The following NOVA1 variants were observed in gnomAD, a reference collection of about 807,000 sequenced individuals.
NOVA1 encodes NOVA alternative splicing regulator 1.
In NOVA1, 7 loss-of-function variants were observed where a neutral mutation model predicts 38.0. The ratio of observed to expected loss-of-function variants is 0.18; its 90% confidence interval spans 0.10 to 0.35. NOVA1 has a LOEUF of 0.35. Ranked by LOEUF, NOVA1 falls within the 10% of genes least tolerant of loss-of-function variation. The probability of loss-of-function intolerance (pLI) is 1.00; values close to 1 mark genes in which losing one functional copy is unlikely to be tolerated. For synonymous variants in NOVA1, 270 were observed against 232.5 expected, an observed-to-expected ratio of 1.16 and a Z score of -1.47; for missense variants, 460 against 616.0, an observed-to-expected ratio of 0.75 and a Z score of 2.68.
At chr14:26,488,061 A>G (rs1011390631) in intron 2 of NOVA1, among the ~76,000 whole-genome samples, 2 of 152,194 alleles carry the variant, frequency 1.3e-5, no homozygotes, top group Admixed American at 1.3e-4. Flanking sequence ...CTTTTAAAAA[A>G]AGAAATCATA....
At chr14:26,572,299 G>C (rs1892529840) in intron 2 of NOVA1, among the ~76,000 whole-genome samples, 1 of 152,066 alleles carries the variant, frequency 6.6e-6, no homozygotes, top group Non-Finnish European at 1.5e-5. Flanking sequence ...ATAGAAAAGG[G>C]AACAAGATCA....
intron 2 of NOVA1, among the ~76,000 whole-genome samples, chr14:26,495,181 A>C (rs544875153): frequency 6.6e-6 from 1 of 152,048 alleles, no homozygotes; most frequent in African/African-American, 2.4e-5. Context: ...CTTTCTCATC[A>C]TAAAAGACTT....
intron 2 of NOVA1, among the ~76,000 whole-genome samples, chr14:26,589,419 T>C (rs1308558093): frequency 6.6e-6 from 1 of 151,798 alleles, no homozygotes; most frequent in Non-Finnish European, 1.5e-5. Flanking sequence ...GACTAAATTT[T>C]AATTTACTTG....
chr14:26,491,059 C>T (rs1032652963), intron 2 of NOVA1, among the ~76,000 whole-genome samples: 6 of 151,964 alleles, frequency 3.9e-5, no homozygotes, highest in African/African-American at 1.5e-4. Context: ...ACCGTGTTAG[C>T]CAGGATGGCC....
intron 4 of NOVA1, 127 bp from the exon 5 acceptor site, chr14:26,449,090 C>G (rs924751203): frequency 3.3e-6 from 3 of 897,566 alleles, no homozygotes; most frequent in Non-Finnish European, 4.8e-6. Flanking sequence ...ACAGAAATAT[C>G]ACAACTTTAA....
chr14:26,461,213 A>G (rs1405077661), intron 4 of NOVA1, among the ~76,000 whole-genome samples: 1 of 151,950 alleles, frequency 6.6e-6, no homozygotes, highest in Admixed American at 6.6e-5. Flanking sequence ...TATGGGATGT[A>G]AAAAAAGGAA....
chr14:26,538,475 C>T (rs866862636), intron 2 of NOVA1, among the ~76,000 whole-genome samples: 21 of 152,112 alleles, frequency 1.4e-4, no homozygotes, highest in African/African-American at 4.8e-4. Context: ...AAGTTTATGT[C>T]GATTAAATTG....
At chr14:26,574,247 A>C (rs1463821198) in intron 2 of NOVA1, among the ~76,000 whole-genome samples, 1 of 129,996 alleles carries the variant, frequency 7.7e-6, no homozygotes, top group Non-Finnish European at 1.6e-5. Flanking sequence ...GCTGGTCTTG[A>C]ACTCCTGACC....
chr14:26,516,969 G>A (rs575766249), intron 2 of NOVA1, among the ~76,000 whole-genome samples: 6 of 145,124 alleles, frequency 4.1e-5, no homozygotes, highest in African/African-American at 1.0e-4. Flanking sequence ...GCAGTGGCAC[G>A]ATCTTGGCTC....
chr14:26,597,265 G>T (rs1213336332), intron 1 of NOVA1, 36 bp downstream of exon 1: 2 of 1,229,956 alleles, frequency 1.6e-6, no homozygotes, highest in Non-Finnish European at 2.0e-6. Context: ...GGGCGGCGGG[G>T]GATGGGGCCA....
intron 2 of NOVA1, among the ~76,000 whole-genome samples, chr14:26,573,622 T>C (rs1422321133): frequency 6.6e-6 from 1 of 151,998 alleles, no homozygotes; most frequent in Non-Finnish European, 1.5e-5. Flanking sequence ...TAGACAAGGA[T>C]TAAAGGTGAA....
intron 2 of NOVA1, among the ~76,000 whole-genome samples, chr14:26,548,540 C>T (rs894925162): frequency 6.6e-6 from 1 of 152,022 alleles, no homozygotes; most frequent in South Asian, 2.1e-4. Context: ...AAATGTCATA[C>T]TATTGACTAA....
intron 2 of NOVA1, among the ~76,000 whole-genome samples, chr14:26,519,920 C>T (rs1455677639): frequency 6.6e-6 from 1 of 151,494 alleles, no homozygotes; most frequent in Non-Finnish European, 1.5e-5. Flanking sequence ...GAATGGGGTA[C>T]ATTTTCTGTT....
At chr14:26,560,993 G>T (rs141358307) in intron 2 of NOVA1, among the ~76,000 whole-genome samples, 1 of 152,136 alleles carries the variant, frequency 6.6e-6, no homozygotes, top group East Asian at 1.9e-4. Flanking sequence ...AGGGTGGGGG[G>T]ATGGTTTTGG....
intron 2 of NOVA1, among the ~76,000 whole-genome samples, chr14:26,546,018 AT>A (rs1312515240): frequency 2.0e-4 from 30 of 152,236 alleles, no homozygotes; most frequent in African/African-American, 6.5e-4. Flanking sequence ...TAACTGCAAA[AT>A]TTATAAAAAT....
intron 2 of NOVA1, among the ~76,000 whole-genome samples, chr14:26,554,731 C>T (rs61986531): frequency 9.7e-4 from 148 of 152,242 alleles, no homozygotes; most frequent in Non-Finnish European, 1.6e-3. Context: ...ATGGTTAGTA[C>T]CAATGAGGTA....
chr14:26,503,950 A>T (rs1887437058), intron 2 of NOVA1, among the ~76,000 whole-genome samples: 1 of 152,130 alleles, frequency 6.6e-6, no homozygotes, highest in African/African-American at 2.4e-5. Context: ...ATATTTGCTC[A>T]ATGTTTAATA....
At chr14:26,545,882 T>A (rs550615376) in intron 2 of NOVA1, among the ~76,000 whole-genome samples, 1 of 151,890 alleles carries the variant, frequency 6.6e-6, no homozygotes, top group Non-Finnish European at 1.5e-5. Flanking sequence ...TACAGAAAAA[T>A]TTTAAAGTAA....
chr14:26,517,532 G>A (rs951319830), intron 2 of NOVA1, among the ~76,000 whole-genome samples: 3 of 152,052 alleles, frequency 2.0e-5, no homozygotes, highest in African/African-American at 7.2e-5. Flanking sequence ...TTAAATATTT[G>A]TTGAAATAAG....
Sources: gnomAD v4.1 joint callset for allele counts (sites outside exome capture counted in the v4.1 genomes callset) on GRCh38, gnomAD v4.1.1 for gene constraint, MANE v1.5 for transcripts, NCBI Gene and HGNC (gene_info 2026-07-23, HGNC 2026-07-21) for gene names.